Variants in TUSC3 observed in about 807,000 individuals in gnomAD.
TUSC3 encodes the protein dolichyl-diphosphooligosaccharide--protein glycosyltransferase subunit TUSC3.
A neutral mutation model predicts 44.8 loss-of-function variants in TUSC3; 45 were observed. That is an observed-to-expected ratio of 1.00 (90% CI 0.79 to 1.29). The LOEUF (loss-of-function observed/expected upper bound fraction) is 1.29. Among genes scored for constraint, TUSC3 ranks in the 50% most tolerant of loss-of-function variants. The probability of loss-of-function intolerance (pLI) is 0.00; values close to 1 mark genes in which losing one functional copy is unlikely to be tolerated. For synonymous variants in TUSC3, 212 were observed against 152.9 expected (o/e 1.39, Z -2.85); for missense variants, 519 against 437.9 (o/e 1.19, Z -1.65).
chr8:15,767,498 C>G (rs1033828705), downstream of TUSC3, among the ~76,000 whole-genome samples: 5 of 150,564 alleles, frequency 3.3e-5, no homozygotes, highest in Non-Finnish European at 7.4e-5. Context: ...AAAAGTTTAC[C>G]AAACCACTGT....
chr8:15,641,597 C>T (rs1366428234), intron 2 of TUSC3, among the ~76,000 whole-genome samples: 3 of 152,086 alleles, frequency 2.0e-5, no homozygotes, highest in Non-Finnish European at 4.4e-5. Flanking sequence ...CTAGAGACTT[C>T]GTTATGCCTC....
intron 1 of TUSC3, among the ~76,000 whole-genome samples, chr8:15,572,491 G>A (rs767893855): frequency 6.6e-6 from 1 of 152,166 alleles, no homozygotes; most frequent in Non-Finnish European, 1.5e-5. Flanking sequence ...CAATAAGGCT[G>A]TTTTGCTTTC....
intron 6 of TUSC3, among the ~76,000 whole-genome samples, chr8:15,675,001 C>G (rs987111404): frequency 6.6e-6 from 1 of 152,000 alleles, no homozygotes; most frequent in Admixed American, 6.6e-5. Context: ...TCCCTGGTCC[C>G]TATACTCTGT....
At chr8:15,729,941 G>C (rs1810649407) in intron 6 of TUSC3, among the ~76,000 whole-genome samples, 1 of 151,842 alleles carries the variant, frequency 6.6e-6, no homozygotes, top group Non-Finnish European at 1.5e-5. Context: ...TGATGTAAAA[G>C]TTGAGGCATT....
At chr8:15,754,447 A>G (rs1346492522) in intron 9 of TUSC3, among the ~76,000 whole-genome samples, 3 of 152,172 alleles carry the variant, frequency 2.0e-5, no homozygotes, top group African/African-American at 7.2e-5. Flanking sequence ...AACTGCTAGT[A>G]CAGACACACA....
chr8:15,808,867 A>T, the TUSC3 span, among the ~76,000 whole-genome samples: 1 of 152,094 alleles, frequency 6.6e-6, no homozygotes, highest in Non-Finnish European at 1.5e-5. Context: ...TCTTTTTTTA[A>T]AAAAAGATAA....
intron 2 of TUSC3, among the ~76,000 whole-genome samples, chr8:15,514,635 A>G (rs1585072201): frequency 6.6e-6 from 1 of 152,338 alleles, no homozygotes; most frequent in East Asian, 1.9e-4. Flanking sequence ...GGCTTTTGAT[A>G]TGGAAGAGCC....
chr8:15,607,781 CTG>C (rs1356030102), intron 1 of TUSC3, among the ~76,000 whole-genome samples: 2 of 152,208 alleles, frequency 1.3e-5, no homozygotes, highest in East Asian at 3.9e-4. Flanking sequence ...TTAAGCAGCA[CTG>C]TGTTTCAGTT....
intron 2 of TUSC3, among the ~76,000 whole-genome samples, chr8:15,487,109 TATTAA>T (rs1800742770): frequency 6.6e-6 from 1 of 152,230 alleles, no homozygotes; most frequent in Non-Finnish European, 1.5e-5. Flanking sequence ...CTTCATTGCC[TATTAA>T]ATTTGAGGAA....
At chr8:15,682,645 C>G (rs1369010796) in intron 6 of TUSC3, among the ~76,000 whole-genome samples, 2 of 152,038 alleles carry the variant, frequency 1.3e-5, no homozygotes, top group African/African-American at 4.8e-5. Context: ...TGTTTACATT[C>G]AACGTTAATA....
chr8:15,624,601 T>C (rs944704614), intron 2 of TUSC3, among the ~76,000 whole-genome samples: 18 of 152,232 alleles, frequency 1.2e-4, no homozygotes, highest in Admixed American at 1.2e-3. Context: ...GTCATCTATG[T>C]ATCATCTTTA....
At chr8:15,731,946 G>C (rs146954737) in intron 7 of TUSC3, among the ~76,000 whole-genome samples, 9 of 152,276 alleles carry the variant, frequency 5.9e-5, no homozygotes, top group Non-Finnish European at 1.3e-4. Context: ...GGGGAAAAGG[G>C]ATGGAAAATG....
intron 2 of TUSC3, among the ~76,000 whole-genome samples, chr8:15,531,683 G>A (rs1184564637): frequency 6.6e-6 from 1 of 152,228 alleles, no homozygotes; most frequent in African/African-American, 2.4e-5. Context: ...TTGCAGACCT[G>A]TATGAATTTG....
chr8:15,711,463 CGTGT>C (rs36058270), intron 6 of TUSC3, among the ~76,000 whole-genome samples: 1,734 of 144,964 alleles, frequency 0.012, 38 homozygotes, highest in East Asian at 0.034. Flanking sequence ...CAAAAAGGTA[CGTGT>C]GTGTGTGTGT....
intron 1 of TUSC3, among the ~76,000 whole-genome samples, chr8:15,616,726 C>T (rs538128560): frequency 5.3e-5 from 8 of 152,292 alleles, no homozygotes; most frequent in African/African-American, 1.9e-4. Flanking sequence ...GGGGCTCTGA[C>T]CTCGAGACTC....
At chr8:15,734,329 T>C (rs529379577) in intron 7 of TUSC3, among the ~76,000 whole-genome samples, 1 of 152,326 alleles carries the variant, frequency 6.6e-6, no homozygotes, top group East Asian at 1.9e-4. Context: ...TTTTGTATCA[T>C]AGGTTATAGA....
intron 1 of TUSC3, among the ~76,000 whole-genome samples, chr8:15,621,603 A>G (rs1805248275): frequency 6.8e-6 from 1 of 148,008 alleles, no homozygotes; most frequent in African/African-American, 2.4e-5. Flanking sequence ...GGATTTATAT[A>G]TATAAATTAT....
chr8:15,550,381 G>A (rs1802019136), intron 1 of TUSC3, among the ~76,000 whole-genome samples: 1 of 151,690 alleles, frequency 6.6e-6, no homozygotes, highest in Non-Finnish European at 1.5e-5. Flanking sequence ...TAAATCATAA[G>A]AGAATAGTAA....
chr8:15,841,196 T>C, the TUSC3 span, among the ~76,000 whole-genome samples: 2 of 152,146 alleles, frequency 1.3e-5, no homozygotes, highest in African/African-American at 4.8e-5. Context: ...CACACACATA[T>C]ATACATCAAT....
Sources: gnomAD v4.1 joint callset for allele counts (sites outside exome capture counted in the v4.1 genomes callset) on GRCh38, gnomAD v4.1.1 for gene constraint, MANE v1.5 for transcripts, NCBI Gene and HGNC (gene_info 2026-07-23, HGNC 2026-07-21) for gene names.